The following NRXN3 variants were observed in gnomAD, a reference collection of about 807,000 sequenced individuals.
The protein encoded by NRXN3 is neurexin III.
NRXN3 carries 32 observed loss-of-function variants against 137.6 expected under a neutral mutation model. That is an observed-to-expected ratio of 0.23 (90% confidence interval 0.18 to 0.31). The LOEUF is 0.31. Ranked by LOEUF, NRXN3 falls within the 10% of genes least tolerant of loss-of-function variation. The pLI is 1.00. For synonymous variants in NRXN3, 798 were observed against 784.5 expected (o/e 1.02, Z -0.29); for missense variants, 1,574 against 2,062.5 (o/e 0.76, Z 4.59).
intron 15 of NRXN3, among the ~76,000 whole-genome samples, chr14:79,166,356 C>T (rs2061283973): frequency 1.3e-5 from 2 of 151,750 alleles, no homozygotes; most frequent in South Asian, 2.1e-4. Flanking sequence ...TTCCTCTTTC[C>T]TCCTATTGTT....
At chr14:78,379,646 A>G (rs1567418553) in intron 4 of NRXN3, among the ~76,000 whole-genome samples, 1 of 152,358 alleles carries the variant, frequency 6.6e-6, no homozygotes, top group South Asian at 2.1e-4. Context: ...TACAGCTAAC[A>G]TTATAATTCA....
At chr14:79,588,569 C>T (rs1428199446) in intron 16 of NRXN3, among the ~76,000 whole-genome samples, 2 of 152,162 alleles carry the variant, frequency 1.3e-5, no homozygotes, top group Admixed American at 1.3e-4. Context: ...TCTTGAGGCT[C>T]TGTGGGACTT....
intron 4 of NRXN3, among the ~76,000 whole-genome samples, chr14:78,344,711 A>G (rs1360363515): frequency 6.6e-6 from 1 of 152,234 alleles, no homozygotes; most frequent in Non-Finnish European, 1.5e-5. Context: ...ATGATGGTAC[A>G]TGGACACGAC....
chr14:78,970,991 G>A (rs1476699697), intron 14 of NRXN3, among the ~76,000 whole-genome samples: 3 of 152,188 alleles, frequency 2.0e-5, no homozygotes, highest in African/African-American at 7.2e-5. Context: ...GAAAGTCCTT[G>A]TTGATTGTAC....
intron 8 of NRXN3, among the ~76,000 whole-genome samples, chr14:78,783,768 A>G (rs1181118684): frequency 6.6e-6 from 1 of 152,226 alleles, no homozygotes; most frequent in South Asian, 2.1e-4. Context: ...ACTAAACTAA[A>G]GTACACACAA....
chr14:78,521,183 CT>C (rs1566622337), intron 4 of NRXN3, among the ~76,000 whole-genome samples: 1 of 152,172 alleles, frequency 6.6e-6, no homozygotes, highest in Non-Finnish European at 1.5e-5. Context: ...TCTATCCCCA[CT>C]CTAATTCCTT....
chr14:78,699,844 G>A (rs1340854087), intron 6 of NRXN3, among the ~76,000 whole-genome samples: 1 of 152,182 alleles, frequency 6.6e-6, no homozygotes, highest in Non-Finnish European at 1.5e-5. Context: ...TGCAGGAAAT[G>A]AGAGTGTGTA....
chr14:78,657,201 A>G (rs922734786), intron 6 of NRXN3, among the ~76,000 whole-genome samples: 1 of 152,034 alleles, frequency 6.6e-6, no homozygotes, highest in Admixed American at 6.6e-5. Context: ...CTGAGAGGAC[A>G]TGCATTTCTC....
intron 4 of NRXN3, among the ~76,000 whole-genome samples, chr14:78,420,819 C>T (rs1220912521): frequency 6.6e-6 from 1 of 152,152 alleles, no homozygotes; most frequent in Non-Finnish European, 1.5e-5. Flanking sequence ...GACTTCGTTC[C>T]ACTGCTATAG....
At chr14:79,141,336 C>T (rs984231549) in intron 15 of NRXN3, among the ~76,000 whole-genome samples, 1 of 152,204 alleles carries the variant, frequency 6.6e-6, no homozygotes, top group African/African-American at 2.4e-5. Flanking sequence ...GTCCATATCA[C>T]ATGTTATCTA....
chr14:79,365,115 C>T (rs1056499199), intron 15 of NRXN3, among the ~76,000 whole-genome samples: 2 of 152,038 alleles, frequency 1.3e-5, no homozygotes, highest in Admixed American at 6.6e-5. Flanking sequence ...TATCACATTT[C>T]GGGTGGTGGT....
intron 16 of NRXN3, among the ~76,000 whole-genome samples, chr14:79,582,542 TC>T (rs2097726359): frequency 6.6e-6 from 1 of 152,054 alleles, no homozygotes; most frequent in Admixed American, 6.6e-5. Flanking sequence ...TACCTCAGCC[TC>T]CCGAGTAGCT....
chr14:79,836,109 A>G (rs2099342150), intron 20 of NRXN3, among the ~76,000 whole-genome samples: 1 of 152,176 alleles, frequency 6.6e-6, no homozygotes, highest in Non-Finnish European at 1.5e-5. Flanking sequence ...AATATTATAG[A>G]GAGAAGAGCA....
At chr14:79,846,973 G>T (rs2099377494) in intron 20 of NRXN3, among the ~76,000 whole-genome samples, 1 of 152,152 alleles carries the variant, frequency 6.6e-6, no homozygotes, top group Non-Finnish European at 1.5e-5. Flanking sequence ...TCACAGGGCA[G>T]ATTTGCTCAA....
At chr14:79,665,276 T>C (rs1351256115) in intron 17 of NRXN3, among the ~76,000 whole-genome samples, 2 of 152,156 alleles carry the variant, frequency 1.3e-5, no homozygotes, top group African/African-American at 2.4e-5. Flanking sequence ...CCACCCACTA[T>C]TGATTTGCCA....
intron 20 of NRXN3, among the ~76,000 whole-genome samples, chr14:79,819,687 G>C (rs1201307616): frequency 2.6e-5 from 4 of 151,832 alleles, no homozygotes; most frequent in Non-Finnish European, 5.9e-5. Flanking sequence ...GTTTCACCAT[G>C]TTGGCCAGAC....
intron 16 of NRXN3, among the ~76,000 whole-genome samples, chr14:79,582,518 T>G (rs2097726098): frequency 6.6e-6 from 1 of 152,088 alleles, no homozygotes; most frequent in Admixed American, 6.6e-5. Flanking sequence ...CCTCCTGGGT[T>G]GAAGTGATTC....
intron 2 of NRXN3, among the ~76,000 whole-genome samples, chr14:78,263,599 G>A (rs1185875705): frequency 6.6e-6 from 1 of 151,990 alleles, no homozygotes; most frequent in Non-Finnish European, 1.5e-5. Context: ...TTATCTTACT[G>A]AATTATTTTT....
intron 4 of NRXN3, 85 bp downstream of exon 4, chr14:78,297,945 T>C: frequency 4.1e-6 from 6 of 1,474,004 alleles, no homozygotes; most frequent in Non-Finnish European, 5.5e-6. Flanking sequence ...TCATCGTCAC[T>C]GGCAGGCCAT....
Sources: allele counts gnomAD v4.1 joint callset (sites outside exome capture counted in the v4.1 genomes callset), GRCh38; gene constraint gnomAD v4.1.1; transcripts MANE v1.5; gene names NCBI Gene and HGNC (gene_info 2026-07-23, HGNC 2026-07-21).